Variants in SLC25A13 observed in about 807,000 individuals in gnomAD.
SLC25A13 encodes the protein solute carrier family 25 member 13.
A neutral mutation model predicts 85.5 loss-of-function variants in SLC25A13; 70 were observed. That is an observed-to-expected ratio of 0.82 (90% CI 0.68 to 1.00). The LOEUF (loss-of-function observed/expected upper bound fraction) is 1.00, where lower values mean the gene tolerates loss of function less well. Ranked by LOEUF, SLC25A13 falls within the 50% of genes least tolerant of loss-of-function variation. The pLI is 0.00. For synonymous variants in SLC25A13, 259 were observed against 288.7 expected (o/e 0.90, Z 1.04); for missense variants, 765 against 819.8 (o/e 0.93, Z 0.82).
chr7:96,240,980 A>AGAGGAGAGGG (rs1554363709), intron 3 of SLC25A13, among the ~76,000 whole-genome samples: 3 of 14,636 alleles, frequency 2.0e-4, no homozygotes, highest in South Asian at 4.4e-3. Context: ...AAAGGAGAGG[A>AGAGGAGAGGG]GAGGGGAGGG....
chr7:96,268,482 T>C (rs961918736), intron 3 of SLC25A13, among the ~76,000 whole-genome samples: 2 of 152,150 alleles, frequency 1.3e-5, no homozygotes, highest in African/African-American at 4.8e-5. Context: ...ACAAGCCCTC[T>C]TCATTCATTA....
At position 96,322,006 on chromosome 7, in the gene SLC25A13, G is replaced by A; in HGVS notation, c.-50C>T. ...GCGGGACCCACTGACTGGCTGGCTG[G>A]CGTTTGGGACCCGGGCGGCTCACTT... On this transcript the variant is annotated 5_prime_UTR_variant, in exon 1 of 18. Transcript: ENST00000265631. The A allele has an allele frequency of 3.3e-6, 5 of 1,532,652 alleles. No homozygotes were observed. Among genetic ancestry groups the A allele is most frequent in the Non-Finnish European group, 4.4e-6 (5 of 1,140,186 alleles). 94.9% of individuals were successfully genotyped at this position (1,532,652 alleles called of 1,614,324 possible). A position where few individuals can be genotyped will look rare whatever the true frequency, so the allele number is the denominator to read the frequency against.
At chr7:96,225,870 G>A (rs1796312095) in intron 4 of SLC25A13, among the ~76,000 whole-genome samples, 1 of 151,924 alleles carries the variant, frequency 6.6e-6, no homozygotes, top group African/African-American at 2.4e-5. Context: ...TCCCTAAAAC[G>A]TTCCTCAAAT....
intron 5 of SLC25A13, among the ~76,000 whole-genome samples, chr7:96,201,870 A>G (rs1021882263): frequency 1.3e-5 from 2 of 152,124 alleles, no homozygotes; most frequent in African/African-American, 4.8e-5. Context: ...TGCTATGACA[A>G]ATAGAGTCGC....
Position 96,289,523 on chromosome 7 carries a change from C to T in SLC25A13, c.69+7375G>A, listed in dbSNP as rs191866905. On this transcript the variant is annotated intron_variant, in intron 2 of 17. Coordinates refer to ENST00000265631, the MANE Select transcript of SLC25A13 (RefSeq NM_014251.3). ...TAAAAACCTTGAAAAAAAGATTGGA[C>T]GAAAGGCTAACTAAAATAACCAGCG... Among the ~76,000 whole-genome samples, 42 of 152,154 alleles carry T rather than the reference C, an allele frequency of 2.8e-4. No individual in the cohort carries two copies. In the East Asian group the frequency reaches 6.6e-3, roughly 24 times the overall value.
rs778949203 is a variant in SLC25A13, at chr7:96,189,652, C to G, written c.777G>C (p.Gln259His). The G allele has an allele frequency of 8.1e-6, 13 of 1,612,374 alleles. No individual in the cohort carries two copies. The highest frequency in any genetic ancestry group is 3.3e-5 in the Admixed American group (2 of 59,860). ...VTKEEFVLAA[Q>H]KFGQVTPMEV... ...CCATGGGTGTAACCTGACCAAATTT[C>G]TGAGCTGCCAGAACAAACTCCTCTG... is the stretch of plus-strand genomic sequence containing the variant. The change falls in exon 8 of 18, where the codon CAG becomes CAC. Residue 259 changes from glutamine (Q) to histidine (H), a missense_variant. Transcript: ENST00000265631.
At chr7:96,208,301 T>G (rs910592942) in intron 5 of SLC25A13, among the ~76,000 whole-genome samples, 1 of 152,164 alleles carries the variant, frequency 6.6e-6, no homozygotes, top group South Asian at 2.1e-4. Context: ...GAGTTCTACA[T>G]AAATCTGTGG....
At chr7:96,271,962 T>C (rs370247050) in intron 3 of SLC25A13, among the ~76,000 whole-genome samples, 8 of 152,156 alleles carry the variant, frequency 5.3e-5, no homozygotes, top group East Asian at 1.9e-4. Flanking sequence ...CTTGGCTCAC[T>C]GCAGCCTCCA....
chr7:96,146,446 T>C, intron 14 of SLC25A13, 110 bp downstream of exon 14: 1 of 1,413,528 alleles, frequency 7.1e-7, no homozygotes, highest in Non-Finnish European at 9.8e-7. Context: ...TAGAACATCT[T>C]CTCCAGGTGT....
intron 2 of SLC25A13, among the ~76,000 whole-genome samples, chr7:96,288,055 A>G (rs1011575296): frequency 6.6e-6 from 1 of 152,202 alleles, no homozygotes; most frequent in Non-Finnish European, 1.5e-5. Flanking sequence ...ACAACCATAG[A>G]GATCAGCTTA....
At chr7:96,184,177 AT>A in intron 11 of SLC25A13, 99 bp downstream of exon 11, 1 of 1,436,506 alleles carries the variant, frequency 7.0e-7, no homozygotes, top group Non-Finnish European at 9.8e-7. Context: ...CTGTATTTCC[AT>A]TTTAACGCAG....
intron 4 of SLC25A13, among the ~76,000 whole-genome samples, chr7:96,229,100 T>C (rs1400362632): frequency 6.6e-6 from 1 of 152,200 alleles, no homozygotes; most frequent in East Asian, 1.9e-4. Context: ...TGCAGGCGCA[T>C]GGCGTGGGAC....
At chr7:96,187,329 C>T (rs972332051) in intron 9 of SLC25A13, among the ~76,000 whole-genome samples, 27 of 152,200 alleles carry the variant, frequency 1.8e-4, no homozygotes, top group African/African-American at 5.5e-4. Context: ...GTCAATGTAA[C>T]ACAATTCTAA....
intron 14 of SLC25A13, among the ~76,000 whole-genome samples, chr7:96,146,087 T>C (rs1380356548): frequency 6.6e-6 from 1 of 152,176 alleles, no homozygotes; most frequent in Admixed American, 6.5e-5. Flanking sequence ...AGAAGTTTGG[T>C]TTTGTAATCA....
chr7:96,312,882 T>C (rs1360295568), intron 1 of SLC25A13, among the ~76,000 whole-genome samples: 1 of 152,194 alleles, frequency 6.6e-6, no homozygotes, highest in East Asian at 1.9e-4. Context: ...AGGACATACA[T>C]GCTCCATGGC....
At chr7:96,149,220 A>C (rs969080691) in intron 13 of SLC25A13, among the ~76,000 whole-genome samples, 2 of 152,216 alleles carry the variant, frequency 1.3e-5, no homozygotes, top group Non-Finnish European at 2.9e-5. Flanking sequence ...TGAATGCCAC[A>C]GTTTCTAATC....
At chr7:96,128,821 G>C (rs896886132) in intron 15 of SLC25A13, among the ~76,000 whole-genome samples, 4 of 151,164 alleles carry the variant, frequency 2.6e-5, no homozygotes, top group Non-Finnish European at 5.9e-5. Context: ...TATAGTAAGT[G>C]AGGCAGCCAG....
chr7:96,314,313 C>T (rs190493492), intron 1 of SLC25A13, among the ~76,000 whole-genome samples: 3 of 152,052 alleles, frequency 2.0e-5, no homozygotes, highest in Admixed American at 2.0e-4. Flanking sequence ...GACAAGCCAA[C>T]AGGTTTAGAA....
intron 14 of SLC25A13, among the ~76,000 whole-genome samples, chr7:96,141,786 T>C (rs779668781): frequency 4.6e-5 from 7 of 152,232 alleles, no homozygotes; most frequent in Non-Finnish European, 7.3e-5. Context: ...TGAGTACTTA[T>C]ATGTTACCAA....
Sources: allele counts gnomAD v4.1 joint callset (sites outside exome capture counted in the v4.1 genomes callset), GRCh38; gene constraint gnomAD v4.1.1; transcripts MANE v1.5; gene names NCBI Gene and HGNC (gene_info 2026-07-23, HGNC 2026-07-21).